The following RP1 variants were observed in gnomAD, a reference collection of about 807,000 sequenced individuals.
RP1 encodes the protein oxygen-regulated protein 1.
RP1 carries 16 observed loss-of-function variants against 14.8 expected under a neutral mutation model. The ratio of observed to expected loss-of-function variants is 1.08; its 90% CI spans 0.73 to 1.65. The LOEUF (loss-of-function observed/expected upper bound fraction) is 1.65. Among genes scored for constraint, RP1 ranks in the 40% most tolerant of loss-of-function variants. RP1 has a pLI of 0.00. For synonymous variants in RP1, 876 were observed against 883.6 expected (o/e 0.99, Z 0.15); for missense variants, 2,631 against 2,535.0 (o/e 1.04, Z -0.81).
In RP1 at chr8:54,626,758, CA is replaced by C. The variant is rs1453100786; in HGVS notation, c.2879del (p.Asn960IlefsTer5). The stretch of plus-strand genomic sequence containing the variant: ...AGTTTTTCAGGGAATGATCCCCATA[CA>C]AATTCTGGAAAAATAAGTAATTTTG... ...NNSFSGNDPH[T>X]NSGKISNFVM... On this transcript the variant is annotated frameshift_variant, in exon 4 of 4. Coordinates refer to ENST00000220676, the MANE Select transcript of RP1 (RefSeq NM_006269.2). LOFTEE classifies it low-confidence loss of function (END_TRUNC). The C allele has an allele frequency of 1.2e-6, 2 of 1,613,644 alleles. No homozygotes were observed. Among genetic ancestry groups the C allele is most frequent in the Non-Finnish European group, 1.7e-6 (2 of 1,179,928 alleles).
chr8:54,710,309 G>T (rs1041476309), intron 15 of RP1, among the ~76,000 whole-genome samples: 1 of 152,212 alleles, frequency 6.6e-6, no homozygotes, highest in African/African-American at 2.4e-5. Flanking sequence ...GCAAAAACTG[G>T]CCAGCTGCTT....
intron 19 of RP1, among the ~76,000 whole-genome samples, chr8:54,749,312 C>T (rs575745278): frequency 1.3e-5 from 2 of 150,916 alleles, no homozygotes; most frequent in South Asian, 4.2e-4. Flanking sequence ...GCCTGGGCAA[C>T]AGAGCAAGAC....
rs761218945 is a variant in RP1, at chr8:54,629,366, A to G, written c.5484A>G (p.Glu1828=). 3 of 1,614,002 alleles carry G rather than the reference A, an allele frequency of 1.9e-6. No individual in the cohort carries two copies. Among genetic ancestry groups the G allele is most frequent in the Non-Finnish European group, 2.5e-6 (3 of 1,179,984 alleles). The change falls in exon 4 of 4, where the codon GAA becomes GAG. Residue 1828 remains glutamate, a synonymous_variant. Coordinates refer to ENST00000220676, the MANE Select transcript of RP1 (RefSeq NM_006269.2). ...ACATGCCTCATGGTAGTGACTCAGA[A>G]CCTTTTCATGAGGACTTGCTGGATG... ...YFNMPHGSDS[E]PFHEDLLDVR...
intron 3 of RP1, among the ~76,000 whole-genome samples, chr8:54,623,962 T>C (rs1805951665): frequency 6.6e-6 from 1 of 152,176 alleles, no homozygotes; most frequent in African/African-American, 2.4e-5. Context: ...ACAAAAAACT[T>C]TTATCTTTGG....
chr8:54,769,758 C>G, exon 23 of RP1: 3 of 1,532,746 alleles, frequency 2.0e-6, no homozygotes, highest in Non-Finnish European at 1.7e-6. Flanking sequence ...CCTTTCATGT[C>G]TCAGGGCATA....
At chr8:54,673,805 C>T in intron 7 of RP1, 1 of 1,395,642 alleles carries the variant, frequency 7.2e-7, no homozygotes, top group Non-Finnish European at 9.8e-7. Flanking sequence ...TGGTATAAAT[C>T]AGAGTTATAG....
chr8:54,729,921 T>G (rs1056571078), intron 17 of RP1, among the ~76,000 whole-genome samples: 10 of 152,100 alleles, frequency 6.6e-5, no homozygotes, highest in African/African-American at 2.4e-4. Flanking sequence ...TTGTAATTTT[T>G]GTGTCCTTTT....
chr8:54,719,181 C>T (rs1040034125), intron 15 of RP1, among the ~76,000 whole-genome samples: 45 of 152,114 alleles, frequency 3.0e-4, no homozygotes, highest in Non-Finnish European at 5.6e-4. Flanking sequence ...TTTATGGTGC[C>T]CCTCCACCTG....
chr8:54,787,359 G>A (rs1419046608), intron 24 of RP1, among the ~76,000 whole-genome samples: 1 of 152,044 alleles, frequency 6.6e-6, no homozygotes, highest in Non-Finnish European at 1.5e-5. Flanking sequence ...TTTATTGCCT[G>A]ACATAGACTA....
At chr8:54,784,549 A>AT (rs1165118426) in intron 24 of RP1, among the ~76,000 whole-genome samples, 2 of 151,984 alleles carry the variant, frequency 1.3e-5, no homozygotes, top group African/African-American at 2.4e-5. Context: ...CTTTCCTCTT[A>AT]TTTTTTTAAC....
intron 12 of RP1, among the ~76,000 whole-genome samples, chr8:54,684,954 CAG>C (rs1452355516): frequency 6.6e-6 from 1 of 152,116 alleles, no homozygotes; most frequent in African/African-American, 2.4e-5. Context: ...CACATGGACA[CAG>C]GGAGGGGAAC....
chr8:54,570,106 C>T (rs973303020), intron 1 of RP1, among the ~76,000 whole-genome samples: 3 of 152,150 alleles, frequency 2.0e-5, no homozygotes, highest in African/African-American at 7.2e-5. Flanking sequence ...TTTGAACGTC[C>T]CCACGCTTGT....
chr8:54,571,385 T>C (rs1306287482), intron 1 of RP1, among the ~76,000 whole-genome samples: 3 of 152,212 alleles, frequency 2.0e-5, no homozygotes, highest in African/African-American at 7.2e-5. Flanking sequence ...CTCATGGCTG[T>C]GTCCTGGTGC....
At chr8:54,735,145 AT>A (rs1159321266) in intron 18 of RP1, among the ~76,000 whole-genome samples, 2 of 152,196 alleles carry the variant, frequency 1.3e-5, no homozygotes, top group Admixed American at 1.3e-4. Context: ...GTCTGAAATT[AT>A]TTTCTTTTTA....
At chr8:54,621,992 G>A (rs1205764579) in intron 2 of RP1, 125 bp from the exon 3 acceptor site, 3 of 984,060 alleles carry the variant, frequency 3.0e-6, no homozygotes, top group Non-Finnish European at 4.7e-6. Flanking sequence ...TGGTGCCTAA[G>A]AAAATGCTCA....
exon 29 of RP1, chr8:54,870,261 T>G (rs1812559162): frequency 4.6e-6 from 1 of 217,900 alleles, no homozygotes; most frequent in Non-Finnish European, 9.0e-6. Context: ...TTTCTTTTCC[T>G]TTTTCTTTCA....
chr8:54,755,634 T>C (rs773803558), exon 21 of RP1: 2 of 1,536,040 alleles, frequency 1.3e-6, no homozygotes, highest in Admixed American at 2.0e-5. Flanking sequence ...AGATACCAGG[T>C]TGACGTCTAC....
chr8:54,593,124 TG>T (rs1445186746), intron 1 of RP1, among the ~76,000 whole-genome samples: 1 of 152,118 alleles, frequency 6.6e-6, no homozygotes, highest in Non-Finnish European at 1.5e-5. Flanking sequence ...TTGGGGTCGG[TG>T]GCAGGGGCTC....
At chr8:54,859,954 G>A (rs1812302229) in intron 27 of RP1, among the ~76,000 whole-genome samples, 2 of 152,106 alleles carry the variant, frequency 1.3e-5, no homozygotes, top group South Asian at 2.1e-4. Flanking sequence ...GACATGGGAT[G>A]GAAACAATGT....
Sources: gnomAD v4.1 joint callset for allele counts (sites outside exome capture counted in the v4.1 genomes callset) on GRCh38, gnomAD v4.1.1 for gene constraint, MANE v1.5 for transcripts, NCBI Gene and HGNC (gene_info 2026-07-23, HGNC 2026-07-21) for gene names.